DAB1: variants seen among roughly 807,000 people sequenced by gnomAD.
DAB1 encodes the protein DAB adaptor protein 1, also known as disabled homolog 1.
A neutral mutation model predicts 64.6 loss-of-function variants in DAB1; 15 were observed. The observed-to-expected ratio is 0.23, with a 90% CI of 0.16 to 0.36. The LOEUF (loss-of-function observed/expected upper bound fraction) is 0.36. Ranked by LOEUF, DAB1 falls within the 10% of genes least tolerant of loss-of-function variation. The pLI, the probability that DAB1 is intolerant of heterozygous loss-of-function variation, is 1.00. For missense variants in DAB1, 596 were observed against 706.7 expected, an observed-to-expected ratio of 0.84 and a Z score of 1.78; for synonymous variants, 235 against 251.9, an observed-to-expected ratio of 0.93 and a Z score of 0.64.
intron 1 of DAB1, among the ~76,000 whole-genome samples, chr1:57,834,635 T>TTA (rs1388818360): frequency 3.3e-5 from 5 of 151,558 alleles, no homozygotes; most frequent in East Asian, 3.9e-4. Context: ...ATACACAGTT[T>TTA]TATATATATA....
chr1:57,352,307 A>C (rs542081884), intron 1 of DAB1, among the ~76,000 whole-genome samples: 32 of 152,310 alleles, frequency 2.1e-4, no homozygotes, highest in Admixed American at 8.5e-4. Context: ...ATAATGATTA[A>C]ATTGAAAAAT....
chr1:57,566,848 C>G (rs1442764085), intron 7 of DAB1, among the ~76,000 whole-genome samples: 1 of 152,142 alleles, frequency 6.6e-6, no homozygotes, highest in East Asian at 1.9e-4. Context: ...ACCAGAGGTA[C>G]AAGAAGGAGC....
rs150833196 is a variant in DAB1, at chr1:57,774,070, A to C, written n.551+109929T>G. 7.6e-3 allele frequency among the ~76,000 whole-genome samples: 1,161 copies of C among 151,992 alleles called. 15 individuals are homozygous for C. Among genetic ancestry groups the C allele is most frequent in the African/African-American group, 0.027 (1,113 of 41,530 alleles). ...TGTAATTTTGATTGAGATCTCCTTG[A>C]ATCATGAGTTAATCTGGGGAAAATG... On this transcript the variant is annotated intron_variant and non_coding_transcript_variant, in intron 6 of 20. Transcript: ENST00000485760.
At chr1:57,859,261 A>G (rs1263671069) in intron 1 of DAB1, among the ~76,000 whole-genome samples, 1 of 152,098 alleles carries the variant, frequency 6.6e-6, no homozygotes, top group African/African-American at 2.4e-5. Context: ...TTTACTTCCT[A>G]TTAGTGATTC....
intron 6 of DAB1, among the ~76,000 whole-genome samples, chr1:57,689,968 T>C (rs1218521624): frequency 6.6e-6 from 1 of 152,078 alleles, no homozygotes; most frequent in Non-Finnish European, 1.5e-5. Flanking sequence ...TTCAATTGTT[T>C]TGATTTTTAG....
chr1:58,384,094 G>T (rs1036845393), intron 3 of DAB1, among the ~76,000 whole-genome samples: 6 of 151,598 alleles, frequency 4.0e-5, no homozygotes, highest in Non-Finnish European at 8.8e-5. Context: ...AACTGATGTG[G>T]AATAATATCT....
intron 7 of DAB1, among the ~76,000 whole-genome samples, chr1:57,642,432 T>G (rs1365504390): frequency 6.6e-6 from 1 of 152,190 alleles, no homozygotes. Flanking sequence ...TTACACATTC[T>G]GGCACCACTC....
chr1:58,093,800 G>T (rs985770991), intron 5 of DAB1, among the ~76,000 whole-genome samples: 1 of 152,086 alleles, frequency 6.6e-6, no homozygotes, highest in Non-Finnish European at 1.5e-5. Flanking sequence ...TACTACTTGA[G>T]ACTGGGAACG....
intron 4 of DAB1, among the ~76,000 whole-genome samples, chr1:58,198,676 A>G (rs1657827379): frequency 6.6e-6 from 1 of 151,922 alleles, no homozygotes; most frequent in Non-Finnish European, 1.5e-5. Context: ...CTGGCCAATT[A>G]GGGATTACAG....
intron 5 of DAB1, among the ~76,000 whole-genome samples, chr1:58,098,982 CAG>C (rs1651152918): frequency 6.6e-6 from 1 of 152,176 alleles, no homozygotes; most frequent in Non-Finnish European, 1.5e-5. Flanking sequence ...GAAGAAGAGA[CAG>C]AGGCCATGGA....
rs1644940789 is a variant in DAB1 at position 57,553,411 on chromosome 1, A to AAAAAGAAAG, written n.625+96180_625+96181insCTTTCTTTT. 7.8e-4 allele frequency among the ~76,000 whole-genome samples: 9 copies of AAAAAGAAAG among 11,546 alleles called. 1 individual carries two copies. Among genetic ancestry groups the AAAAAGAAAG allele is most frequent in the Admixed American group, 3.8e-3 (5 of 1,318 alleles). 7.6% of individuals were successfully genotyped at this position (11,546 alleles called of 152,430 possible). ...GAAAGAAAGAAAGAAAGAAAGAAAGAAAGAAAGAAAGAAAGAAAGAAAGAA... is the reference window on the plus strand; with the variant it reads ...GAAAGAAAGAAAGAAAGAAAGAAAGAAAAAGAAAGAAGAAAGAAAGAAAGAAAGAAAGAA... On this transcript the variant is annotated intron_variant and non_coding_transcript_variant, in intron 7 of 20. Transcript: ENST00000485760.
rs138465025 is a variant in DAB1 at position 57,358,269 on chromosome 1, A to C, written c.-137+65661T>G. Among the ~76,000 whole-genome samples the C allele has an allele frequency of 1.9e-4, 29 of 152,076 alleles. No individual in the cohort carries two copies. In the East Asian group the frequency reaches 5.6e-3, roughly 29 times the overall value. On this transcript the variant is annotated intron_variant, in intron 1 of 14. Transcript: ENST00000371236. Reference sequence around the variant, plus strand: ...TTTCAACTTTTCCTCATTTATTATTATATTAGTTGCGGGTCCTTCTTATAT... The same window carrying C: ...TTTCAACTTTTCCTCATTTATTATTCTATTAGTTGCGGGTCCTTCTTATAT...
chr1:57,894,605 C>A (rs960384160), intron 5 of DAB1, among the ~76,000 whole-genome samples: 1 of 152,080 alleles, frequency 6.6e-6, no homozygotes, highest in African/African-American at 2.4e-5. Flanking sequence ...GAGCCTTGTA[C>A]CTCACAGGGA....
rs149143348 is a variant in DAB1, at chr1:58,398,064, G to A, written n.258-54661C>T. 1.2e-4 allele frequency among the ~76,000 whole-genome samples: 18 copies of A among 152,138 alleles called. No individual in the cohort carries two copies. In the East Asian group the frequency reaches 1.7e-3, roughly 15 times the overall value. ...CTTTCTAACAGAGCCCTGGCACTGC[G>A]CACATGGATTCCGATCTATCTTCAC... On this transcript the variant is annotated intron_variant and non_coding_transcript_variant, in intron 3 of 20. Transcript: ENST00000485760.
At chr1:57,381,009 G>C (rs567116639) in intron 1 of DAB1, among the ~76,000 whole-genome samples, 2 of 152,250 alleles carry the variant, frequency 1.3e-5, no homozygotes, top group South Asian at 2.1e-4. Flanking sequence ...GACTTCCAGA[G>C]AGAAGGAGTA....
At chr1:57,816,939 C>T (rs1216884409) in intron 6 of DAB1, among the ~76,000 whole-genome samples, 1 of 152,160 alleles carries the variant, frequency 6.6e-6, no homozygotes, top group African/African-American at 2.4e-5. Context: ...AATGGCATGT[C>T]CCCTTCTCAC....
At chr1:57,536,779 GC>G (rs1644734970) in intron 7 of DAB1, among the ~76,000 whole-genome samples, 1 of 151,252 alleles carries the variant, frequency 6.6e-6, no homozygotes, top group African/African-American at 2.4e-5. Flanking sequence ...TGCTGCCGCA[GC>G]CCCACTCCCA....
intron 4 of DAB1, among the ~76,000 whole-genome samples, chr1:57,107,883 AC>A (rs1655309884): frequency 6.6e-6 from 1 of 152,192 alleles, no homozygotes; most frequent in South Asian, 2.1e-4. Context: ...GGACAAGGCA[AC>A]TGAGCCTTGT....
intron 4 of DAB1, among the ~76,000 whole-genome samples, chr1:58,245,783 T>A (rs1480097247): frequency 6.6e-6 from 1 of 152,206 alleles, no homozygotes; most frequent in Admixed American, 6.5e-5. Context: ...TAAACCCAAC[T>A]AGTATTCGTG....
Sources: gnomAD v4.1 joint callset for allele counts (sites outside exome capture counted in the v4.1 genomes callset) on GRCh38, gnomAD v4.1.1 for gene constraint, MANE v1.5 for transcripts, NCBI Gene and HGNC (gene_info 2026-07-23, HGNC 2026-07-21) for gene names.